Variants in EFCAB8 observed in about 807,000 individuals in gnomAD.
EFCAB8 encodes EF-hand calcium-binding domain-containing protein 8.
In EFCAB8, 100 loss-of-function variants were observed where a neutral mutation model predicts 116.3. The ratio of observed to expected loss-of-function variants is 0.86; its 90% confidence interval spans 0.73 to 1.02. The LOEUF (loss-of-function observed/expected upper bound fraction) is 1.02. EFCAB8 is among the 50% of genes least tolerant of loss of function. The probability of loss-of-function intolerance (pLI) is 0.00; values close to 1 mark genes in which losing one functional copy is unlikely to be tolerated. For missense variants in EFCAB8, 1,320 were observed against 1,416.9 expected (o/e 0.93, Z 1.10); for synonymous variants, 558 against 567.9 (o/e 0.98, Z 0.25).
chr20:32,906,722 C>T (rs2146236760), intron 12 of EFCAB8, 93 bp downstream of exon 12: 2 of 721,510 alleles, frequency 2.8e-6, no homozygotes, highest in East Asian at 2.7e-5. Context: ...TGCACAGCAT[C>T]TGGCCTCTGT....
intron 16 of EFCAB8, among the ~76,000 whole-genome samples, 169 bp from the exon 17 acceptor site, chr20:32,912,625 G>C (rs1986994242): frequency 6.6e-6 from 1 of 152,064 alleles, no homozygotes; most frequent in African/African-American, 2.4e-5. Context: ...ATCAAATGAG[G>C]GAATAGGATG....
intron 3 of EFCAB8, among the ~76,000 whole-genome samples, chr20:32,873,264 C>A (rs1468437537): frequency 6.6e-6 from 1 of 151,932 alleles, no homozygotes; most frequent in African/African-American, 2.4e-5. Context: ...ATGGAAGGAG[C>A]CCCCTGAACT....
At chr20:32,947,823 T>C (rs1988646098) in intron 23 of EFCAB8, among the ~76,000 whole-genome samples, 2 of 151,318 alleles carry the variant, frequency 1.3e-5, no homozygotes, top group Admixed American at 1.3e-4. Context: ...GGCTCACGCC[T>C]TTGGGAGGCA....
At chr20:32,908,459 G>A (rs749084622) in intron 14 of EFCAB8, 47 bp downstream of exon 14, 4 of 1,249,290 alleles carry the variant, frequency 3.2e-6, no homozygotes, top group Non-Finnish European at 4.0e-6. Flanking sequence ...GCAGGTGGAG[G>A]GCCAGGGTCT....
Position 32,911,493 on chromosome 20 carries a change from G to A in EFCAB8, c.1571G>A (p.Cys524Tyr). ...TGCTCCCTACAGGTGGTGAGTGGCT[G>A]CCTGCGCGGCACAGTGAGTGTGTGG... ...SKIFKQVVSG[C>Y]LRGTVSVWEV... The change falls in exon 16 of 27, where the codon TGC becomes TAC. Residue 524 changes from cysteine to tyrosine, a missense_variant. Coordinates refer to ENST00000400522, the MANE Select transcript of EFCAB8 (RefSeq NM_001143967.2). The A allele has an allele frequency of 6.7e-7, 1 of 1,490,164 alleles. No homozygotes were observed. Among genetic ancestry groups the A allele is most frequent in the Non-Finnish European group, 9.0e-7 (1 of 1,112,734 alleles). The allele number at this position is 1,490,164 out of a possible 1,614,324, so 92.3% of individuals were successfully genotyped here.
chr20:32,859,833 C>T (rs983441859), intron 1 of EFCAB8, among the ~76,000 whole-genome samples: 14 of 152,230 alleles, frequency 9.2e-5, no homozygotes, highest in Non-Finnish European at 2.1e-4. Flanking sequence ...AATATGCTAT[C>T]TAATAATATA....
chr20:32,896,312 G>A (rs1986155102), intron 9 of EFCAB8, 142 bp from the exon 10 acceptor site: 3 of 628,398 alleles, frequency 4.8e-6, no homozygotes, highest in Non-Finnish European at 8.6e-6. Context: ...AGGACACAGT[G>A]AGGTGCCAGT....
chr20:32,906,643 A>T lies in EFCAB8; in HGVS notation c.1156+14A>T, dbSNP rs1301953186. ...GGAACTTCCTGGGTAAGTCACCTTC[A>T]TGTCACCCAGAAGCTGCTGGGGGGA... On this transcript the variant is annotated intron_variant, in intron 12 of 26. Transcript: ENST00000400522. The T allele has an allele frequency of 2.6e-5, 19 of 717,774 alleles. 1 individual carries two copies. In the Admixed American group the frequency reaches 3.8e-4, roughly 14 times the overall value. 44.5% of individuals were successfully genotyped at this position (717,774 alleles called of 1,614,324 possible).
Position 32,885,526 on chromosome 20 carries a change from G to A in EFCAB8, c.453G>A (p.Val151=), listed in dbSNP as rs1371074408. The A allele has an allele frequency of 1.3e-6, 2 of 1,551,762 alleles. No individual in the cohort carries two copies. The highest frequency in any genetic ancestry group is 2.4e-5 in the South Asian group (2 of 84,058). The change falls in exon 6 of 27, where the codon GTG becomes GTA. Residue 151 remains valine, a synonymous_variant. Coordinates refer to ENST00000400522, the MANE Select transcript of EFCAB8 (RefSeq NM_001143967.2). The part of the protein sequence containing the change: ...VVPLNHGCEV[V]KVVFLIHRFK... ...ACAGGAACCATGGCTGTGAGGTGGT[G>A]AAGGTGGTGTTTTTAATCCACCGGT...
chr20:32,935,192 C>CT (rs753039647), intron 22 of EFCAB8, among the ~76,000 whole-genome samples: 807 of 34,046 alleles, frequency 0.024, 25 homozygotes, highest in African/African-American at 0.046. Flanking sequence ...TTCTTTCTTT[C>CT]TTTTTTTTTT....
intron 7 of EFCAB8, among the ~76,000 whole-genome samples, chr20:32,891,155 G>C (rs1245418204): frequency 6.6e-6 from 1 of 152,118 alleles, no homozygotes; most frequent in Non-Finnish European, 1.5e-5. Context: ...TGTCACCCAG[G>C]CTGGAGTGCA....
rs1225122289 is a variant in EFCAB8 at position 32,885,390 on chromosome 20, G to A, written c.432-115G>A. On this transcript the variant is annotated intron_variant, in intron 5 of 26. Transcript: ENST00000400522. ...GGCGTGCGCATGTGCGTGCGTGTGC[G>A]TGACGCTCCGCCGGCTTTTGTCCCT... 81 of 1,405,484 alleles carry A rather than the reference G, an allele frequency of 5.8e-5. No individual in the cohort carries two copies. In the Middle Eastern group the frequency reaches 9.4e-4, roughly 16 times the overall value. 87.1% of individuals were successfully genotyped at this position (1,405,484 alleles called of 1,614,324 possible).
intron 22 of EFCAB8, among the ~76,000 whole-genome samples, chr20:32,943,318 T>C (rs544657552): frequency 5.1e-4 from 78 of 152,358 alleles, no homozygotes; most frequent in Non-Finnish European, 7.9e-4. Context: ...TGGAATAATG[T>C]GTACAGAGGC....
In EFCAB8 at chr20:32,867,803, G is replaced by A. The variant is rs981784282; in HGVS notation, c.208+56G>A. On this transcript the variant is annotated intron_variant, in intron 3 of 26. Coordinates refer to ENST00000400522, the MANE Select transcript of EFCAB8 (RefSeq NM_001143967.2). Reference sequence around the variant, plus strand: ...GTGAGTTCTGCAACAGGGCAGGACCGAGTACCTGGGGTGTGTGGAGGGTTC... The same window carrying A: ...GTGAGTTCTGCAACAGGGCAGGACCAAGTACCTGGGGTGTGTGGAGGGTTC... The A allele has an allele frequency of 9.9e-6, 15 of 1,519,516 alleles. No individual in the cohort carries two copies. In the African/African-American group the frequency reaches 1.2e-4, roughly 13 times the overall value. 94.1% of individuals were successfully genotyped at this position (1,519,516 alleles called of 1,614,324 possible).
chr20:32,859,782 T>G (rs1984008307), intron 1 of EFCAB8, among the ~76,000 whole-genome samples: 1 of 152,122 alleles, frequency 6.6e-6, no homozygotes, highest in Non-Finnish European at 1.5e-5. Flanking sequence ...AACAAGGACA[T>G]TCTCATAACC....
At chr20:32,921,373 GTGTGTGTGTGTGTGTGTGTT>G (rs1479095421) in intron 20 of EFCAB8, among the ~76,000 whole-genome samples, 1 of 151,264 alleles carries the variant, frequency 6.6e-6, no homozygotes, top group African/African-American at 2.4e-5. Context: ...GTGTGTGTGT[GTGTGTGTGTGTGTGTGTGTT>G]TTTGTAGAGA....
At chr20:32,919,014 T>C (rs538658713) in intron 19 of EFCAB8, among the ~76,000 whole-genome samples, 3 of 152,086 alleles carry the variant, frequency 2.0e-5, no homozygotes, top group Non-Finnish European at 4.4e-5. Flanking sequence ...GACAAACCAC[T>C]TTCCTCCTCC....
In EFCAB8 at chr20:32,918,409, A is replaced by G. The variant is rs1216581750; in HGVS notation, c.2109A>G (p.Arg703=). ...TGGCTGAGAGCCACAGGCCCAGCAG[A>G]CCCTATGTGGAGCGGGAGAAGTGGA... ...NCLAESHRPS[R]PYVEREKWTY... The change falls in exon 19 of 27, where the codon AGA becomes AGG. Residue 703 remains arginine, a synonymous_variant. Transcript: ENST00000400522. 1 of 1,551,688 alleles carries G rather than the reference A, an allele frequency of 6.4e-7. No homozygotes were observed. The highest frequency in any genetic ancestry group is 1.2e-5 in the South Asian group (1 of 84,070).
intron 16 of EFCAB8, 93 bp downstream of exon 16, chr20:32,911,800 C>T: frequency 7.9e-7 from 1 of 1,260,812 alleles, no homozygotes; most frequent in Non-Finnish European, 1.1e-6. Context: ...TTTTGTACCT[C>T]TCTGAAAGGG....
Sources: allele counts gnomAD v4.1 joint callset (sites outside exome capture counted in the v4.1 genomes callset), GRCh38; gene constraint gnomAD v4.1.1; transcripts MANE v1.5; gene names NCBI Gene and HGNC (gene_info 2026-07-23, HGNC 2026-07-21).